The following PROZ variants were observed in gnomAD, a reference collection of about 807,000 sequenced individuals.
The protein encoded by PROZ is protein Z, vitamin K dependent plasma glycoprotein, also known as vitamin K-dependent protein Z.
A neutral mutation model predicts 34.9 loss-of-function variants in PROZ; 46 were observed. The observed-to-expected ratio is 1.32, with a 90% CI of 1.04 to 1.69. The LOEUF (loss-of-function observed/expected upper bound fraction) is 1.69. Among genes scored for constraint, PROZ ranks in the 40% most tolerant of loss-of-function variants. The probability of loss-of-function intolerance (pLI) is 0.00; values close to 1 mark genes in which losing one functional copy is unlikely to be tolerated. For missense variants in PROZ, 530 were observed against 520.4 expected, an observed-to-expected ratio of 1.02 and a Z score of -0.18; for synonymous variants, 195 against 208.5, an observed-to-expected ratio of 0.94 and a Z score of 0.56.
chr13:113,166,418 GCCC>G, intron 6 of PROZ: 1 of 152,116 alleles, frequency 6.6e-6, no homozygotes, highest in Non-Finnish European at 1.5e-5. Context: ...AGCCTCAGGG[GCCC>G]CCCTTGTGAG....
At position 113,159,563 on chromosome 13, in the gene PROZ, G is replaced by A. The variant is rs751420186; in HGVS notation, c.71-451G>A. ...CATTTGCCTTCTCCTCCTGGAAATC[G>A]CAGAGCCTGCTGCAATGTATAAGTT... On this transcript the variant is annotated intron_variant, in intron 1 of 7. Coordinates refer to ENST00000375547, the MANE Select transcript of PROZ (RefSeq NM_003891.3). The surrounding 1 kb of genome is among the most constrained non-coding windows in gnomAD (Gnocchi z 4.6). Among the ~76,000 whole-genome samples the A allele has an allele frequency of 2.0e-5, 3 of 152,204 alleles. No homozygotes were observed. The highest frequency in any genetic ancestry group is 6.5e-5 in the Admixed American group (1 of 15,280).
At position 113,159,968 on chromosome 13, in the gene PROZ, G is replaced by A. The variant is rs1406097327; in HGVS notation, c.71-46G>A. 2 of 1,609,674 alleles carry A rather than the reference G, an allele frequency of 1.2e-6. No homozygotes were observed. Among genetic ancestry groups the A allele is most frequent in the Non-Finnish European group, 1.7e-6 (2 of 1,177,252 alleles). The stretch of plus-strand genomic sequence containing the variant: ...GGAAGCCAGGCAGCTCTGGAAAGCA[G>A]GGCCCTCGGTGCTCCCAGTCACCTG... On this transcript the variant is annotated intron_variant, in intron 1 of 7. Transcript: ENST00000375547. The surrounding 1 kb of genome is among the most constrained non-coding windows in gnomAD (Gnocchi z 4.6).
intron 6 of PROZ, among the ~76,000 whole-genome samples, chr13:113,169,021 G>C (rs552762692): frequency 6.6e-6 from 1 of 152,280 alleles, no homozygotes; most frequent in African/African-American, 2.4e-5. Context: ...GAGCCACCAT[G>C]CCTGGCCCAT....
intron 2 of PROZ, 78 bp from the exon 3 acceptor site, chr13:113,160,865 TCTTAC>T: frequency 8.0e-7 from 1 of 1,247,942 alleles, no homozygotes. Context: ...ATCAACATTT[TCTTAC>T]CTTCAAGTTC....
Position 113,165,081 on chromosome 13 carries a change from T to C in PROZ, c.534T>C (p.Ser178=), listed in dbSNP as rs2138587021. ...HDQCACGVLT[S]EKRAPDLQDL... Reference sequence around the variant, plus strand: ...AGTGTGCCTGCGGGGTGCTGACCTCTGAGAAGCGTGCACCGGATCTACAGG... The same window carrying C: ...AGTGTGCCTGCGGGGTGCTGACCTCCGAGAAGCGTGCACCGGATCTACAGG... Residue 178 remains serine (S), a synonymous_variant, in exon 6 of 8, where the codon TCT becomes TCC. Coordinates refer to ENST00000375547, the MANE Select transcript of PROZ (RefSeq NM_003891.3). The C allele has an allele frequency of 6.2e-7, 1 of 1,613,056 alleles. No homozygotes were observed. The highest frequency in any genetic ancestry group is 8.5e-7 in the Non-Finnish European group (1 of 1,180,004).
rs2036707127 is a variant in PROZ at position 113,158,766 on chromosome 13, C to T, written c.70+36C>T. 3.2e-6 allele frequency: 5 copies of T among 1,557,496 alleles called. No individual in the cohort carries two copies. Among genetic ancestry groups the T allele is most frequent in the Non-Finnish European group, 3.5e-6 (4 of 1,146,530 alleles). On this transcript the variant is annotated intron_variant, in intron 1 of 7. Coordinates refer to ENST00000375547, the MANE Select transcript of PROZ (RefSeq NM_003891.3). The surrounding 1 kb of genome is among the most constrained non-coding windows in gnomAD (Gnocchi z 4.3). ...GGCTTACCTGTCTGTTGTGCCTGTG[C>T]TGTGTCTTTCTTGACTCGGTCCATG...
At chr13:113,168,800 C>T (rs554378203) in intron 6 of PROZ, among the ~76,000 whole-genome samples, 1 of 152,308 alleles carries the variant, frequency 6.6e-6, no homozygotes, top group Non-Finnish European at 1.5e-5. Flanking sequence ...GTGATCATGG[C>T]TCACTGCAGC....
intron 3 of PROZ, 82 bp downstream of exon 3, chr13:113,161,054 C>A: frequency 7.9e-7 from 1 of 1,262,490 alleles, no homozygotes; most frequent in Non-Finnish European, 1.2e-6. Flanking sequence ...CTTCACGACC[C>A]CAGCTCAGCG....
In PROZ at chr13:113,161,013, C is replaced by T. The variant is rs3024724; in HGVS notation, c.259+41C>T. On this transcript the variant is annotated intron_variant, in intron 3 of 7. Transcript: ENST00000375547. The stretch of plus-strand genomic sequence containing the variant: ...CGTCTCCTCAGAAGTATTAATTCCT[C>T]GGGATGAGGTGCGTGGGTGGGCTTA... The T allele has an allele frequency of 3.7e-4, 581 of 1,577,004 alleles. 3 individuals carry two copies. The African/African-American group carries it at 7.2e-3, about 20-fold the overall frequency.
chr13:113,161,068 G>T, intron 3 of PROZ, 96 bp downstream of exon 3: 2 of 1,114,186 alleles, frequency 1.8e-6, no homozygotes, highest in East Asian at 2.4e-5. Flanking sequence ...CTCAGCGGAT[G>T]CCAAGCCTCT....
intron 4 of PROZ, among the ~76,000 whole-genome samples, chr13:113,163,361 T>C (rs1000235355): frequency 1.3e-4 from 19 of 151,940 alleles, no homozygotes; most frequent in Admixed American, 1.1e-3. Context: ...ATACTTTTCA[T>C]AGCAGGGGCC....
At chr13:113,164,763 T>G in intron 5 of PROZ, 119 bp downstream of exon 5, 1 of 1,474,750 alleles carries the variant, frequency 6.8e-7, no homozygotes, top group Non-Finnish European at 9.3e-7. Context: ...TTGCCACGAC[T>G]CAGAAGGTGG....
At chr13:113,162,657 GCTCAGGTCCCCGTCCCTGCCACCT>G (rs1270717916) in intron 3 of PROZ, among the ~76,000 whole-genome samples, 1 of 198 alleles carries the variant, frequency 5.1e-3, no homozygotes, top group East Asian at 0.25. Flanking sequence ...TCCTCCTCCT[GCTCAGGTCCCCGTCCCTGCCACCT>G]CCCCACATCC....
In PROZ at chr13:113,159,894, T is replaced by C. The variant is rs1285981415; in HGVS notation, c.71-120T>C. 2 of 1,249,002 alleles carry C rather than the reference T, an allele frequency of 1.6e-6. No individual in the cohort carries two copies. Among genetic ancestry groups the C allele is most frequent in the African/African-American group, 3.0e-5 (2 of 67,690 alleles). The allele number at this position is 1,249,002 out of a possible 1,614,324, so 77.4% of individuals were successfully genotyped here. On this transcript the variant is annotated intron_variant, in intron 1 of 7. Coordinates refer to ENST00000375547, the MANE Select transcript of PROZ (RefSeq NM_003891.3). The surrounding 1 kb of genome is among the most constrained non-coding windows in gnomAD (Gnocchi z 4.6). ...GGGTGGCCCTGAGGCCCTCGCAGGC[T>C]GAGAGCCTGTGGAGACGGACGGGGC...
chr13:113,162,900 T>G (rs1218487326), intron 3 of PROZ, 109 bp from the exon 4 acceptor site: 14 of 241,124 alleles, frequency 5.8e-5, no homozygotes, highest in African/African-American at 1.8e-4. Flanking sequence ...CACCCCCCAC[T>G]CCATCCTCCT....
intron 4 of PROZ, among the ~76,000 whole-genome samples, chr13:113,163,613 A>G (rs1397527032): frequency 6.6e-6 from 1 of 151,536 alleles, no homozygotes; most frequent in African/African-American, 2.4e-5. Context: ...TCTGGGGAAA[A>G]CCTTCCTCCC....
At chr13:113,164,353 C>T (rs556098598) in intron 4 of PROZ, among the ~76,000 whole-genome samples, 160 bp from the exon 5 acceptor site, 8 of 152,242 alleles carry the variant, frequency 5.3e-5, no homozygotes, top group African/African-American at 1.9e-4. Flanking sequence ...CAGAGGACAA[C>T]GATCTGAAGA....
Position 113,170,471 on chromosome 13 carries a change from A to ACACCCGTAC in PROZ, c.632_633insCACCCGTAC (p.Asn211_Phe212insThrArgThr), listed in dbSNP as rs1371879776. 1.9e-6 allele frequency: 3 copies of ACACCCGTAC among 1,611,658 alleles called. No homozygotes were observed. The highest frequency in any genetic ancestry group is 2.5e-6 in the Non-Finnish European group (3 of 1,177,750). ...TGTGGTGGTGTTATAATACGGGAAA[A>ACACCCGTAC]TTTTGTACTGACAACAGCAAAATGT... On this transcript the variant is annotated inframe_insertion, in exon 7 of 8. Transcript: ENST00000375547.
intron 3 of PROZ, among the ~76,000 whole-genome samples, chr13:113,161,253 C>A (rs1427490319): frequency 1.3e-5 from 2 of 152,122 alleles, no homozygotes; most frequent in South Asian, 2.1e-4. Context: ...GCCAGGAGGG[C>A]CCCCCCAGAG....
Sources: allele counts gnomAD v4.1 joint callset (sites outside exome capture counted in the v4.1 genomes callset), GRCh38; gene constraint gnomAD v4.1.1; non-coding constraint Gnocchi (gnomAD v3.1); transcripts MANE v1.5; gene names NCBI Gene and HGNC (gene_info 2026-07-23, HGNC 2026-07-21).